Variants in RPIA observed in about 807,000 individuals in gnomAD.
The protein encoded by RPIA is ribose-5-phosphate isomerase.
RPIA carries 29 observed loss-of-function variants against 37.8 expected under a neutral mutation model. The observed-to-expected ratio is 0.77, with a 90% CI of 0.57 to 1.05. RPIA has a LOEUF of 1.05. Ranked by LOEUF, RPIA falls within the 50% of genes least tolerant of loss-of-function variation. The pLI, the probability that RPIA is intolerant of heterozygous loss-of-function variation, is 0.00. For missense variants in RPIA, 385 were observed against 413.6 expected (o/e 0.93, Z 0.60); for synonymous variants, 167 against 157.0 (o/e 1.06, Z -0.48).
At chr2:88,705,206 G>GA (rs1672882965) in intron 3 of RPIA, among the ~76,000 whole-genome samples, 1 of 152,032 alleles carries the variant, frequency 6.6e-6, no homozygotes. Context: ...CACATAATTA[G>GA]AAAAAACTAC....
chr2:88,694,480 C>T (rs893575672), intron 1 of RPIA, among the ~76,000 whole-genome samples: 1 of 152,136 alleles, frequency 6.6e-6, no homozygotes, highest in Non-Finnish European at 1.5e-5. Flanking sequence ...GAGTTCCTAG[C>T]TTCAGGTCAT....
chr2:88,734,697 A>G (rs1673294487), intron 5 of RPIA, 81 bp downstream of exon 5: 2 of 1,419,040 alleles, frequency 1.4e-6, no homozygotes, highest in African/African-American at 1.4e-5. Flanking sequence ...AGAATAAACA[A>G]ATTGCCACTG....
chr2:88,697,706 A>G (rs1310781455), intron 1 of RPIA, among the ~76,000 whole-genome samples: 2 of 152,170 alleles, frequency 1.3e-5, no homozygotes, highest in Admixed American at 6.5e-5. Context: ...GATCCTTTCT[A>G]TTGCAGATGA....
intron 3 of RPIA, among the ~76,000 whole-genome samples, chr2:88,715,662 C>T (rs974636965): frequency 1.3e-5 from 2 of 152,214 alleles, no homozygotes; most frequent in Admixed American, 6.5e-5. Context: ...AATATCACTG[C>T]TTCCTGAAAC....
chr2:88,700,484 T>A (rs1355722571), intron 3 of RPIA, among the ~76,000 whole-genome samples: 1 of 152,106 alleles, frequency 6.6e-6, no homozygotes, highest in Admixed American at 6.6e-5. Context: ...AAAGCCTGCC[T>A]CTACAAAAAA....
intron 3 of RPIA, among the ~76,000 whole-genome samples, chr2:88,711,370 G>A (rs1275881694): frequency 6.6e-6 from 1 of 152,262 alleles, no homozygotes; most frequent in African/African-American, 2.4e-5. Context: ...GGGACAACTT[G>A]AAGCTCCAGG....
chr2:88,729,673 A>G (rs2104125929), intron 4 of RPIA, among the ~76,000 whole-genome samples: 1 of 152,284 alleles, frequency 6.6e-6, no homozygotes. Context: ...CACTAAGTGG[A>G]AATAAGGAAG....
intron 1 of RPIA, among the ~76,000 whole-genome samples, chr2:88,695,518 G>GT (rs1234606224): frequency 6.6e-6 from 1 of 152,190 alleles, no homozygotes; most frequent in Non-Finnish European, 1.5e-5. Flanking sequence ...AGAGGAAAAA[G>GT]TTTGAGTTTT....
intron 3 of RPIA, 82 bp from the exon 4 acceptor site, chr2:88,729,196 C>T (rs1427023218): frequency 1.4e-6 from 2 of 1,448,274 alleles, no homozygotes; most frequent in South Asian, 1.2e-5. Flanking sequence ...GGACTTGGGA[C>T]ACTTAAATCC....
At chr2:88,698,083 T>G (rs957116581) in intron 1 of RPIA, among the ~76,000 whole-genome samples, 5 of 149,442 alleles carry the variant, frequency 3.3e-5, no homozygotes, top group African/African-American at 1.2e-4. Flanking sequence ...TTTCTTTCTT[T>G]CTTTTTTTTT....
intron 8 of RPIA, among the ~76,000 whole-genome samples, chr2:88,744,935 T>A (rs1033499022): frequency 1.3e-5 from 2 of 152,130 alleles, no homozygotes; most frequent in Non-Finnish European, 2.9e-5. Flanking sequence ...GGTTGGTGGA[T>A]TTTTATGCAT....
At chr2:88,749,912 T>C (rs1390133858) in intron 8 of RPIA, 69 bp from the exon 9 acceptor site, 2 of 1,066,446 alleles carry the variant, frequency 1.9e-6, no homozygotes, top group Non-Finnish European at 2.9e-6. Context: ...CTAGTGACCC[T>C]GCAGTCTTTG....
intron 1 of RPIA, 62 bp from the exon 2 acceptor site, chr2:88,698,422 C>A: frequency 7.1e-7 from 1 of 1,402,556 alleles, no homozygotes; most frequent in Non-Finnish European, 1.0e-6. Context: ...AGGAAGTAGG[C>A]TGACAAAGGA....
At chr2:88,716,245 T>G (rs1180859819) in intron 3 of RPIA, among the ~76,000 whole-genome samples, 1 of 151,968 alleles carries the variant, frequency 6.6e-6, no homozygotes, top group Non-Finnish European at 1.5e-5. Context: ...GAAGACCCCT[T>G]CCCCGCCTCA....
At chr2:88,747,390 T>G (rs931011544) in intron 8 of RPIA, among the ~76,000 whole-genome samples, 34 of 152,160 alleles carry the variant, frequency 2.2e-4, no homozygotes, top group African/African-American at 8.2e-4. Flanking sequence ...GCCTCGCCCC[T>G]CCCTGCCTGC....
chr2:88,720,197 C>T lies in RPIA; in HGVS notation c.403-9081C>T, dbSNP rs117905304. ...TAATGTTACAAGAACTTCAAAAGCA[C>T]ATACAAAAAGATACGTGGATGTAAT... On this transcript the variant is annotated intron_variant, in intron 3 of 8. Coordinates refer to ENST00000283646, the MANE Select transcript of RPIA (RefSeq NM_144563.3). Among the ~76,000 whole-genome samples the T allele has an allele frequency of 4.1e-4, 62 of 152,076 alleles. 1 individual carries two copies. In the East Asian group the frequency reaches 0.01, roughly 25 times the overall value.
At chr2:88,729,160 C>T in intron 3 of RPIA, 118 bp from the exon 4 acceptor site, 3 of 1,043,158 alleles carry the variant, frequency 2.9e-6, no homozygotes, top group Non-Finnish European at 4.4e-6. Flanking sequence ...GTGGGCCATG[C>T]TGGGCTTTGG....
chr2:88,698,659 C>A, intron 2 of RPIA, 115 bp downstream of exon 2: 1 of 933,516 alleles, frequency 1.1e-6, no homozygotes, highest in Non-Finnish European at 1.8e-6. Context: ...TTCAGCAGTA[C>A]AGAGCTGGAG....
intron 3 of RPIA, among the ~76,000 whole-genome samples, chr2:88,710,688 T>C (rs1672951298): frequency 6.6e-6 from 1 of 152,210 alleles, no homozygotes; most frequent in Admixed American, 6.5e-5. Context: ...ATTTATAAGA[T>C]GAGGTGCTAT....
Sources: allele counts gnomAD v4.1 joint callset (sites outside exome capture counted in the v4.1 genomes callset), GRCh38; gene constraint gnomAD v4.1.1; transcripts MANE v1.5; gene names NCBI Gene and HGNC (gene_info 2026-07-23, HGNC 2026-07-21).